Variants in SRPK2 observed in about 807,000 individuals in gnomAD.
The protein encoded by SRPK2 is SRSF protein kinase 2.
Under a neutral mutation model 90.8 loss-of-function variants are expected in SRPK2, and 21 were observed. The observed-to-expected ratio is 0.23, with a 90% CI of 0.16 to 0.33. SRPK2 has a LOEUF of 0.33. Among genes scored for constraint, SRPK2 ranks in the 10% least tolerant of loss-of-function variants. The probability of loss-of-function intolerance (pLI) is 1.00; values close to 1 mark genes in which losing one functional copy is unlikely to be tolerated. For synonymous variants in SRPK2, 288 were observed against 311.1 expected (o/e 0.93, Z 0.78); for missense variants, 620 against 869.0 (o/e 0.71, Z 3.60).
chr7:105,214,940 A>G (rs375754046), intron 2 of SRPK2, among the ~76,000 whole-genome samples: 2 of 152,356 alleles, frequency 1.3e-5, no homozygotes, highest in South Asian at 2.1e-4. Context: ...TCCAATTTCA[A>G]AACTTACTAC....
intron 2 of SRPK2, among the ~76,000 whole-genome samples, chr7:105,352,781 A>C (rs1817348749): frequency 6.6e-6 from 1 of 152,154 alleles, no homozygotes. Flanking sequence ...CACGCCTGTA[A>C]TCCCAGCTAC....
intron 2 of SRPK2, among the ~76,000 whole-genome samples, chr7:105,226,841 T>C (rs1798772728): frequency 6.6e-6 from 1 of 151,740 alleles, no homozygotes; most frequent in Non-Finnish European, 1.5e-5. Context: ...CTACTAAAAA[T>C]AGAAAAATTA....
chr7:105,258,836 G>A (rs1803759309), intron 2 of SRPK2, among the ~76,000 whole-genome samples: 2 of 152,114 alleles, frequency 1.3e-5, no homozygotes, highest in Admixed American at 6.6e-5. Flanking sequence ...AAATTCAACA[G>A]CCCTTCATGC....
chr7:105,203,499 A>G, intron 3 of SRPK2, 129 bp downstream of exon 3: 1 of 981,180 alleles, frequency 1.0e-6, no homozygotes, highest in Non-Finnish European at 1.4e-6. Context: ...ATAATGACAC[A>G]AGGAGGCTAA....
At chr7:105,125,305 T>G (rs1027276795) in intron 15 of SRPK2, among the ~76,000 whole-genome samples, 2 of 152,078 alleles carry the variant, frequency 1.3e-5, no homozygotes, top group African/African-American at 4.8e-5. Flanking sequence ...CAGTGTGGCA[T>G]AACACAATGG....
At chr7:105,353,614 C>T (rs961065675) in intron 2 of SRPK2, among the ~76,000 whole-genome samples, 2 of 152,076 alleles carry the variant, frequency 1.3e-5, no homozygotes, top group African/African-American at 2.4e-5. Context: ...GATCCGCCTT[C>T]TTTGGCCTCC....
chr7:105,177,319 A>C lies in SRPK2; in HGVS notation c.230-8054T>G, dbSNP rs1792099741. On this transcript the variant is annotated intron_variant, in intron 3 of 15. Coordinates refer to ENST00000393651, the MANE Select transcript of SRPK2 (RefSeq NM_182692.3). ...AAAAAAAATTATTTAGAACATATGC[A>C]ACCAATCTTTTTACTTCAATGAAAG... 2.6e-5 allele frequency among the ~76,000 whole-genome samples: 4 copies of C among 152,296 alleles called. No individual in the cohort carries two copies. In the South Asian group the frequency reaches 8.3e-4, roughly 32 times the overall value.
intron 2 of SRPK2, among the ~76,000 whole-genome samples, chr7:105,337,408 C>T (rs1426930146): frequency 2.0e-5 from 3 of 151,478 alleles, no homozygotes; most frequent in African/African-American, 7.3e-5. Context: ...TCTGCTTCCC[C>T]GGTTCAAGCG....
intron 2 of SRPK2, among the ~76,000 whole-genome samples, chr7:105,223,629 C>T (rs1798366620): frequency 1.3e-5 from 2 of 152,176 alleles, no homozygotes; most frequent in South Asian, 4.1e-4. Context: ...TTTTAATTAA[C>T]CACATACATG....
At chr7:105,365,634 C>T (rs554313839) in intron 2 of SRPK2, among the ~76,000 whole-genome samples, 12 of 151,102 alleles carry the variant, frequency 7.9e-5, no homozygotes, top group African/African-American at 2.9e-4. Flanking sequence ...TGAGTCTCCA[C>T]AAAATGATTT....
chr7:105,315,360 G>C (rs1255285556), intron 2 of SRPK2, among the ~76,000 whole-genome samples: 2 of 152,016 alleles, frequency 1.3e-5, no homozygotes, highest in Non-Finnish European at 2.9e-5. Context: ...TGAGATGCTG[G>C]GCAATTCATT....
chr7:105,344,826 C>T (rs929190659), intron 2 of SRPK2, among the ~76,000 whole-genome samples: 1 of 142,778 alleles, frequency 7.0e-6, no homozygotes, highest in Admixed American at 7.2e-5. Context: ...TTCAGGTTCA[C>T]CCACACTCAC....
chr7:105,131,197 C>T (rs1488494336), intron 13 of SRPK2, among the ~76,000 whole-genome samples: 4 of 152,192 alleles, frequency 2.6e-5, no homozygotes, highest in African/African-American at 7.2e-5. Context: ...GCGCCTAATT[C>T]GGGGCAGCCC....
rs779886234 is a variant in SRPK2 at position 105,143,211 on chromosome 7, T to C, written c.933A>G (p.Lys311=). The C allele has an allele frequency of 6.2e-6, 10 of 1,614,222 alleles. No homozygotes were observed. Among genetic ancestry groups the C allele is most frequent in the Non-Finnish European group, 8.5e-6 (10 of 1,180,028 alleles). Reference sequence around the variant, plus strand: ...CTGAGGTGATGTTTTCTTCTATTATTTTCCTTTCAGCTTCTCGCTCCAATT... The same window carrying C: ...CTGAGGTGATGTTTTCTTCTATTATCTTCCTTTCAGCTTCTCGCTCCAATT... ...IEELEREAER[K]IIEENITSAA... The change falls in exon 10 of 16, where the codon AAA becomes AAG. Residue 311 remains lysine (K), a synonymous_variant. Coordinates refer to ENST00000393651, the MANE Select transcript of SRPK2 (RefSeq NM_182692.3).
chr7:105,251,367 C>CT (rs763639642), intron 2 of SRPK2, among the ~76,000 whole-genome samples: 1 of 152,056 alleles, frequency 6.6e-6, no homozygotes, highest in Non-Finnish European at 1.5e-5. Context: ...AGGAGGCAAG[C>CT]TTTTTTCTTT....
At chr7:105,347,634 G>A (rs566467097) in intron 2 of SRPK2, among the ~76,000 whole-genome samples, 89 of 152,014 alleles carry the variant, frequency 5.9e-4, no homozygotes, top group African/African-American at 2.1e-3. Context: ...CGGGAGGATC[G>A]CTTGAGTCCA....
At chr7:105,187,159 C>G (rs1158306294) in intron 3 of SRPK2, among the ~76,000 whole-genome samples, 1 of 152,172 alleles carries the variant, frequency 6.6e-6, no homozygotes, top group Non-Finnish European at 1.5e-5. Context: ...TCACAACGGT[C>G]TTTATTCTGC....
intron 3 of SRPK2, among the ~76,000 whole-genome samples, chr7:105,170,359 C>T (rs543651578): frequency 6.6e-6 from 1 of 152,052 alleles, no homozygotes; most frequent in Non-Finnish European, 1.5e-5. Context: ...CATCACTCTT[C>T]TGCCAACTCC....
chr7:105,344,293 AT>A (rs11356483), intron 2 of SRPK2, among the ~76,000 whole-genome samples: 66,437 of 150,300 alleles, frequency 0.44, 16,058 homozygotes, highest in Non-Finnish European at 0.54. Flanking sequence ...TGGACATAGA[AT>A]TTTTTTTTTC....
Sources: allele counts gnomAD v4.1 joint callset (sites outside exome capture counted in the v4.1 genomes callset), GRCh38; gene constraint gnomAD v4.1.1; transcripts MANE v1.5; gene names NCBI Gene and HGNC (gene_info 2026-07-23, HGNC 2026-07-21).